RYR3: variants seen among roughly 807,000 people sequenced by gnomAD.
The protein encoded by RYR3 is ryanodine receptor 3.
Under a neutral mutation model 584.3 loss-of-function variants are expected in RYR3, and 207 were observed. That is an observed-to-expected ratio of 0.35 (90% CI 0.32 to 0.40). The LOEUF is 0.40. RYR3 is among the 10% of genes least tolerant of loss of function. The pLI is 1.00. For synonymous variants in RYR3, 2,416 were observed against 2,248.5 expected (o/e 1.07, Z -2.11); for missense variants, 5,616 against 6,089.2 (o/e 0.92, Z 2.59).
At chr15:33,790,412 G>A (rs893032707) in intron 67 of RYR3, among the ~76,000 whole-genome samples, 10 of 152,160 alleles carry the variant, frequency 6.6e-5, no homozygotes, top group African/African-American at 2.4e-4. Flanking sequence ...TTTGAAGGTA[G>A]AGCCCTTGGA....
chr15:33,356,048 C>T (rs542118525), intron 1 of RYR3, among the ~76,000 whole-genome samples: 23 of 152,136 alleles, frequency 1.5e-4, no homozygotes, highest in Admixed American at 1.3e-3. Flanking sequence ...GCGGGGGGTT[C>T]TCAGTTTCAG....
chr15:33,503,751 A>G lies in RYR3; in HGVS notation c.279+13A>G. On this transcript the variant is annotated intron_variant, in intron 3 of 103. Transcript: ENST00000634891. ...TGGCGGCGAAGGGGTGAGTACCCGA[A>G]TTGTGTCCTAGGTTGGGATTGGGGT... The G allele has an allele frequency of 2.6e-6, 4 of 1,548,642 alleles. No individual in the cohort carries two copies. The highest frequency in any genetic ancestry group is 3.6e-6 in the Non-Finnish European group (4 of 1,125,444).
In RYR3 at chr15:33,545,279, C is replaced by T. The variant is rs8026548; in HGVS notation, c.740+1564C>T. On this transcript the variant is annotated intron_variant, in intron 8 of 103. Coordinates refer to ENST00000634891, the MANE Select transcript of RYR3 (RefSeq NM_001036.6). ...GACAGAAACTGCTACTTAGGTTAGT[C>T]ATTTGGTGGGCATTTTGTTCAAGTG... Among the ~76,000 whole-genome samples the T allele has an allele frequency of 9.6e-3, 1,468 of 152,196 alleles. 26 individuals carry two copies. Among genetic ancestry groups the T allele is most frequent in the African/African-American group, 0.033 (1,386 of 41,508 alleles).
Position 33,461,075 on chromosome 15 carries a change from G to T in RYR3, c.52-12344G>T, listed in dbSNP as rs1256988413. 2.7e-5 allele frequency among the ~76,000 whole-genome samples: 4 copies of T among 150,416 alleles called. No individual in the cohort carries two copies. In the Admixed American group the frequency reaches 2.7e-4, roughly 10 times the overall value. ...TTCTCCTGCCTCAGCCTCCCGAGTA[G>T]CTGTAACTACAGGCACCCGCCACCA... is the stretch of plus-strand genomic sequence containing the variant. On this transcript the variant is annotated intron_variant, in intron 1 of 103. Coordinates refer to ENST00000634891, the MANE Select transcript of RYR3 (RefSeq NM_001036.6).
At chr15:33,563,677 A>T (rs1335997144) in intron 11 of RYR3, among the ~76,000 whole-genome samples, 1 of 152,216 alleles carries the variant, frequency 6.6e-6, no homozygotes, top group Non-Finnish European at 1.5e-5. Flanking sequence ...ATAGTCAACT[A>T]GTCCCAGAAT....
intron 1 of RYR3, among the ~76,000 whole-genome samples, chr15:33,375,933 G>A (rs1355286767): frequency 1.3e-5 from 2 of 152,056 alleles, no homozygotes; most frequent in African/African-American, 2.4e-5. Flanking sequence ...GCGTGGTGGC[G>A]GGCGCCTGTA....
At chr15:33,682,881 ATG>A (rs374307062) in intron 38 of RYR3, among the ~76,000 whole-genome samples, 1 of 151,982 alleles carries the variant, frequency 6.6e-6, no homozygotes, top group African/African-American at 2.4e-5. Flanking sequence ...GTGCACATGC[ATG>A]TGTGTGTGTG....
intron 10 of RYR3, among the ~76,000 whole-genome samples, chr15:33,562,424 A>C (rs529849946): frequency 6.6e-6 from 1 of 152,250 alleles, no homozygotes; most frequent in Non-Finnish European, 1.5e-5. Context: ...GAGTCAGTGC[A>C]TTTGTGACAG....
chr15:33,826,618 G>T, intron 83 of RYR3, 54 bp from the exon 84 acceptor site: 1 of 1,375,428 alleles, frequency 7.3e-7, no homozygotes, highest in Non-Finnish European at 1.0e-6. Context: ...ACATTAGAAA[G>T]TATTCTCTGG....
rs375109740 is a variant in RYR3, at chr15:33,339,266, C to T, written c.51+28170C>T. ...GGCAGGGCTGTGGCCCCAGGTCAGA[C>T]TGGAAGGGCTGATGGGCTCACGGAG... is the stretch of plus-strand genomic sequence containing the variant. On this transcript the variant is annotated intron_variant, in intron 1 of 103. Coordinates refer to ENST00000634891, the MANE Select transcript of RYR3 (RefSeq NM_001036.6). Among the ~76,000 whole-genome samples the T allele has an allele frequency of 1.5e-4, 23 of 152,314 alleles. No homozygotes were observed. In the South Asian group the frequency reaches 3.5e-3, roughly 23 times the overall value.
intron 52 of RYR3, among the ~76,000 whole-genome samples, chr15:33,744,209 T>C (rs1208351678): frequency 6.6e-6 from 1 of 152,208 alleles, no homozygotes; most frequent in Non-Finnish European, 1.5e-5. Context: ...ATTTTTCAGA[T>C]TTCTCAGCTC....
chr15:33,568,162 G>C (rs1233022488), intron 12 of RYR3, among the ~76,000 whole-genome samples: 4 of 152,158 alleles, frequency 2.6e-5, no homozygotes, highest in Non-Finnish European at 5.9e-5. Flanking sequence ...GGGTGTCTTG[G>C]GGGAAAGGGA....
chr15:33,483,334 G>C (rs2050141186), intron 2 of RYR3, among the ~76,000 whole-genome samples: 1 of 152,080 alleles, frequency 6.6e-6, no homozygotes, highest in South Asian at 2.1e-4. Flanking sequence ...TTGGTTATAA[G>C]TCACATTTTC....
chr15:33,493,752 C>T (rs1319761050), intron 2 of RYR3, among the ~76,000 whole-genome samples: 3 of 152,310 alleles, frequency 2.0e-5, no homozygotes, highest in East Asian at 1.9e-4. Context: ...TTATACATAT[C>T]TGTTTTAGCT....
chr15:33,362,058 G>A (rs1051882796), intron 1 of RYR3, among the ~76,000 whole-genome samples: 1 of 152,148 alleles, frequency 6.6e-6, no homozygotes, highest in Non-Finnish European at 1.5e-5. Context: ...CCATTGCCAG[G>A]CCTGATCTTC....
At position 33,540,809 on chromosome 15, in the gene RYR3, G is replaced by T; in HGVS notation, c.565G>T (p.Gly189Cys). The T allele has an allele frequency of 6.2e-7, 1 of 1,609,316 alleles. No individual in the cohort carries two copies. ...ERYLHLSVSN[G>C]NIQVDASFMQ... ...GCTGCAGCATCTCTCAGTATCAAAT[G>T]GTAACATACAAGTGGATGCCTCCTT... Residue 189 changes from glycine to cysteine, a missense_variant, in exon 7 of 104, where the codon GGT becomes TGT. Physicochemically the swap from Gly to Cys is radical, Grantham distance 159. Transcript: ENST00000634891.
At chr15:33,859,467 G>A (rs7180084) in intron 99 of RYR3, 108 bp from the exon 100 acceptor site, 5 of 1,275,756 alleles carry the variant, frequency 3.9e-6, no homozygotes, top group Non-Finnish European at 5.6e-6. Context: ...TTCCCCTCTC[G>A]TGGCTTAGGG....
chr15:33,720,976 A>G (rs2067863351), intron 43 of RYR3, among the ~76,000 whole-genome samples: 1 of 152,242 alleles, frequency 6.6e-6, no homozygotes, highest in African/African-American at 2.4e-5. Flanking sequence ...ATATGTCTAT[A>G]AATTCTTTGA....
intron 1 of RYR3, among the ~76,000 whole-genome samples, chr15:33,319,600 G>T (rs1343780579): frequency 6.6e-6 from 1 of 152,244 alleles, no homozygotes; most frequent in Non-Finnish European, 1.5e-5. Context: ...GATGGGTAAA[G>T]TCAGAGGTAA....
Sources: gnomAD v4.1 joint callset for allele counts (sites outside exome capture counted in the v4.1 genomes callset) on GRCh38, gnomAD v4.1.1 for gene constraint, MANE v1.5 for transcripts, NCBI Gene and HGNC (gene_info 2026-07-23, HGNC 2026-07-21) for gene names.